UNC5D: variants seen among roughly 807,000 people sequenced by gnomAD.
UNC5D encodes the protein netrin receptor UNC5D.
In UNC5D, 39 loss-of-function variants were observed where a neutral mutation model predicts 105.4. That is an observed-to-expected ratio of 0.37 (90% CI 0.29 to 0.48). UNC5D has a LOEUF of 0.48. Among genes scored for constraint, UNC5D ranks in the 20% least tolerant of loss-of-function variants. The probability of loss-of-function intolerance (pLI) is 0.98; values close to 1 mark genes in which losing one functional copy is unlikely to be tolerated. For missense variants in UNC5D, 991 were observed against 1,202.4 expected (o/e 0.82, Z 2.60); for synonymous variants, 452 against 450.4 (o/e 1.00, Z -0.04).
chr8:35,572,960 C>T (rs950787101), intron 3 of UNC5D, among the ~76,000 whole-genome samples: 1 of 152,034 alleles, frequency 6.6e-6, no homozygotes, highest in Non-Finnish European at 1.5e-5. Context: ...CCCGCCACCA[C>T]GCCCGGCTAA....
At chr8:35,480,684 A>C (rs1810428799) in intron 1 of UNC5D, among the ~76,000 whole-genome samples, 1 of 152,214 alleles carries the variant, frequency 6.6e-6, no homozygotes, top group Non-Finnish European at 1.5e-5. Context: ...CTTACATTCT[A>C]GCAAGTATGG....
intron 16 of UNC5D, among the ~76,000 whole-genome samples, chr8:35,786,484 T>A (rs775602745): frequency 5.3e-5 from 8 of 152,164 alleles, no homozygotes; most frequent in Non-Finnish European, 8.8e-5. Context: ...CCAGCCCTTC[T>A]CTTTCTTGAG....
intron 11 of UNC5D, among the ~76,000 whole-genome samples, chr8:35,741,987 CT>C (rs952893800): frequency 1.3e-5 from 2 of 152,196 alleles, no homozygotes; most frequent in African/African-American, 4.8e-5. Flanking sequence ...CAGGAGTCTG[CT>C]ATAATAAAGA....
At chr8:35,640,947 A>G (rs1435586053) in intron 4 of UNC5D, among the ~76,000 whole-genome samples, 1 of 151,754 alleles carries the variant, frequency 6.6e-6, no homozygotes, top group Non-Finnish European at 1.5e-5. Flanking sequence ...TCTCTTTCTA[A>G]TAGTTCTCTG....
At chr8:35,651,704 T>C (rs1478227350) in intron 4 of UNC5D, among the ~76,000 whole-genome samples, 1 of 152,224 alleles carries the variant, frequency 6.6e-6, no homozygotes, top group Non-Finnish European at 1.5e-5. Context: ...TTTCACTATA[T>C]ATAATGTATC....
At chr8:35,329,848 C>G (rs992276440) in intron 1 of UNC5D, among the ~76,000 whole-genome samples, 1 of 152,000 alleles carries the variant, frequency 6.6e-6, no homozygotes, top group African/African-American at 2.4e-5. Flanking sequence ...TGTCTCTGAA[C>G]TTGGATCTTC....
intron 16 of UNC5D, among the ~76,000 whole-genome samples, chr8:35,782,127 C>T (rs548521423): frequency 6.6e-6 from 1 of 152,298 alleles, no homozygotes; most frequent in African/African-American, 2.4e-5. Context: ...AAATGCAGCA[C>T]TGGCTTACTT....
chr8:35,549,885 G>A (rs1490770324), intron 2 of UNC5D, among the ~76,000 whole-genome samples: 3 of 148,690 alleles, frequency 2.0e-5, no homozygotes, highest in Non-Finnish European at 1.5e-5. Flanking sequence ...CATGATTTGA[G>A]TTTCTTTAAT....
intron 1 of UNC5D, among the ~76,000 whole-genome samples, chr8:35,364,488 C>T (rs1390492379): frequency 6.6e-6 from 1 of 152,058 alleles, no homozygotes; most frequent in Non-Finnish European, 1.5e-5. Flanking sequence ...CTTGCTCTGA[C>T]CCTGGAATTA....
chr8:35,340,781 T>G (rs1208099020), intron 1 of UNC5D, among the ~76,000 whole-genome samples: 1 of 152,110 alleles, frequency 6.6e-6, no homozygotes, highest in Non-Finnish European at 1.5e-5. Context: ...ATATAAGGAT[T>G]TGTTGGTTTA....
At chr8:35,582,208 G>A (rs2130846119) in intron 3 of UNC5D, among the ~76,000 whole-genome samples, 1 of 152,200 alleles carries the variant, frequency 6.6e-6, no homozygotes, top group South Asian at 2.1e-4. Context: ...CCAGTCACCA[G>A]TCATTGTGGC....
At chr8:35,460,750 TTTTG>T (rs1391191856) in intron 1 of UNC5D, among the ~76,000 whole-genome samples, 12 of 152,214 alleles carry the variant, frequency 7.9e-5, no homozygotes, top group Admixed American at 5.2e-4. Flanking sequence ...TGGCTGGTTT[TTTTG>T]TTTGTTTGTT....
At chr8:35,497,115 TGAA>T (rs1265858587) in intron 1 of UNC5D, among the ~76,000 whole-genome samples, 9 of 152,178 alleles carry the variant, frequency 5.9e-5, no homozygotes, top group Admixed American at 5.2e-4. Flanking sequence ...CTAGGTTTGA[TGAA>T]GAAGTAGATA....
At chr8:35,331,242 T>G (rs1810607510) in intron 1 of UNC5D, among the ~76,000 whole-genome samples, 1 of 152,194 alleles carries the variant, frequency 6.6e-6, no homozygotes, top group African/African-American at 2.4e-5. Flanking sequence ...TTGGGCTTGC[T>G]TGAAGTCCAG....
intron 1 of UNC5D, among the ~76,000 whole-genome samples, chr8:35,383,335 G>A (rs905710300): frequency 2.6e-5 from 4 of 152,022 alleles, no homozygotes; most frequent in African/African-American, 9.7e-5. Context: ...CTCATCAAGA[G>A]GAAATCTCTA....
At chr8:35,312,595 A>G (rs1338341208) in intron 1 of UNC5D, among the ~76,000 whole-genome samples, 1 of 152,202 alleles carries the variant, frequency 6.6e-6, no homozygotes, top group Admixed American at 6.5e-5. Flanking sequence ...TGGGCTTGTC[A>G]CACAAGGTAA....
At chr8:35,407,229 T>A (rs1804862884) in intron 1 of UNC5D, among the ~76,000 whole-genome samples, 1 of 152,102 alleles carries the variant, frequency 6.6e-6, no homozygotes, top group South Asian at 2.1e-4. Context: ...AATATCTAAG[T>A]TTGTGTAAGT....
intron 7 of UNC5D, among the ~76,000 whole-genome samples, chr8:35,691,313 G>C: frequency 6.6e-6 from 1 of 151,994 alleles, no homozygotes; most frequent in Non-Finnish European, 1.5e-5. Flanking sequence ...CAAGACCCCG[G>C]TCTCTACAAA....
At chr8:35,457,753 C>T (rs976747523) in intron 1 of UNC5D, among the ~76,000 whole-genome samples, 12 of 152,130 alleles carry the variant, frequency 7.9e-5, no homozygotes, top group Non-Finnish European at 1.2e-4. Context: ...TACTGAGTCC[C>T]TTGGGAACCC....
Sources: allele counts gnomAD v4.1 joint callset (sites outside exome capture counted in the v4.1 genomes callset), GRCh38; gene constraint gnomAD v4.1.1; transcripts MANE v1.5; gene names NCBI Gene and HGNC (gene_info 2026-07-23, HGNC 2026-07-21).